The following QRICH2 variants were observed in gnomAD, a reference collection of about 807,000 sequenced individuals.
QRICH2 encodes the protein glutamine-rich protein 2.
In QRICH2, 119 loss-of-function variants were observed where a neutral mutation model predicts 168.3. The observed-to-expected ratio is 0.71, with a 90% CI of 0.61 to 0.82. The LOEUF is 0.82. Among genes scored for constraint, QRICH2 ranks in the 40% least tolerant of loss-of-function variants. The pLI, the probability that QRICH2 is intolerant of heterozygous loss-of-function variation, is 0.00. For missense variants in QRICH2, 2,241 were observed against 2,491.6 expected, an observed-to-expected ratio of 0.90 and a Z score of 2.14; for synonymous variants, 894 against 951.2, an observed-to-expected ratio of 0.94 and a Z score of 1.11.
chr17:76,276,170 C>T (rs73999019), intron 17 of QRICH2, among the ~76,000 whole-genome samples: 250 of 132,506 alleles, frequency 1.9e-3, no homozygotes, highest in African/African-American at 7.4e-3. Flanking sequence ...GACCTGCACA[C>T]GTCAGCCCTG....
chr17:76,281,816 G>C lies in QRICH2; in HGVS notation c.4263+48C>G. ...GTCTGCAGCAGGGTGGCCCTCCTCTGTGGGGCCATGTCCAGTTGCAGCAGG... is the reference window on the plus strand; with the variant it reads ...GTCTGCAGCAGGGTGGCCCTCCTCTCTGGGGCCATGTCCAGTTGCAGCAGG... On this transcript the variant is annotated intron_variant, in intron 8 of 18. Transcript: ENST00000680821. The surrounding 1 kb of genome is among the most constrained non-coding windows in gnomAD (Gnocchi z 4.4). The C allele has an allele frequency of 6.3e-7, 1 of 1,597,134 alleles. No individual in the cohort carries two copies. Among genetic ancestry groups the C allele is most frequent in the Non-Finnish European group, 8.6e-7 (1 of 1,168,252 alleles).
At chr17:76,277,747 CAT>C (rs1221756391) in intron 15 of QRICH2, among the ~76,000 whole-genome samples, 3 of 152,034 alleles carry the variant, frequency 2.0e-5, no homozygotes, top group Non-Finnish European at 4.4e-5. Context: ...CTCCCACACT[CAT>C]ACACACACGC....
In QRICH2 at chr17:76,283,342, C is replaced by T. The variant is rs538838300; in HGVS notation, c.4012-1227G>A. 2.0e-5 allele frequency among the ~76,000 whole-genome samples: 3 copies of T among 152,064 alleles called. No individual in the cohort carries two copies. In the East Asian group the frequency reaches 5.8e-4, roughly 29 times the overall value. ...AGAGAAAGGCAGGAGGCCAAGGTGG[C>T]TAAAGATGGGGCATGTGGAAGTGGG... On this transcript the variant is annotated intron_variant, in intron 7 of 18. Transcript: ENST00000680821.
intron 4 of QRICH2, among the ~76,000 whole-genome samples, chr17:76,290,752 C>A (rs2070971614): frequency 6.6e-6 from 1 of 152,098 alleles, no homozygotes; most frequent in Non-Finnish European, 1.5e-5. Context: ...TCTCTATAAC[C>A]AGACACTTTC....
At chr17:76,278,946 C>T (rs1293868356) in intron 14 of QRICH2, 95 bp downstream of exon 14, 18 of 1,006,790 alleles carry the variant, frequency 1.8e-5, no homozygotes, top group African/African-American at 1.4e-4. Flanking sequence ...TGTCACGTTC[C>T]GCTGGGCCCT....
chr17:76,280,122 C>G lies in QRICH2; in HGVS notation c.4659G>C (p.Gln1553His). The G allele has an allele frequency of 4.3e-6, 7 of 1,613,936 alleles. No individual in the cohort carries two copies. Among genetic ancestry groups the G allele is most frequent in the Non-Finnish European group, 5.9e-6 (7 of 1,180,006 alleles). ...GCGATTTCCACCGATCCTCCAGCAA[C>G]TGCTTCACTGGGTCCAGCTCCAGGC... is the stretch of plus-strand genomic sequence containing the variant. ...LDRLELDPVKQLLEDRWKSLR... is the reference protein window; with the variant it reads ...LDRLELDPVKHLLEDRWKSLR... Residue 1553 changes from glutamine (Q) to histidine (H), a missense_variant, in exon 12 of 19, where the codon CAG (glutamine) becomes CAC (histidine). Coordinates refer to ENST00000680821, the MANE Select transcript of QRICH2 (RefSeq NM_001388453.1). The surrounding 1 kb of genome is among the most constrained non-coding windows in gnomAD (Gnocchi z 7.4).
In QRICH2 at chr17:76,274,205, C is replaced by A. The variant is rs549937317; in HGVS notation, c.5538G>T (p.Pro1846=). The change falls in exon 19 of 19, where the codon CCG becomes CCT. Residue 1846 remains proline (P), a synonymous_variant. Transcript: ENST00000680821. ...CGGAGCTGGGCGGGTGGGCTGTGTTCGGCTGGGAGAGACGGCCCTCGGAGG... is the reference window on the plus strand; with the variant it reads ...CGGAGCTGGGCGGGTGGGCTGTGTTAGGCTGGGAGAGACGGCCCTCGGAGG... The part of the protein sequence containing the change: ...RPSSEGRLSQ[P]NTAHPPSSAA... 2.1e-5 allele frequency: 34 copies of A among 1,595,504 alleles called. No homozygotes were observed. In the East Asian group the frequency reaches 7.6e-4, roughly 36 times the overall value.
intron 16 of QRICH2, 71 bp from the exon 17 acceptor site, chr17:76,276,838 T>G (rs945154441): frequency 2.5e-6 from 3 of 1,216,384 alleles, no homozygotes; most frequent in Non-Finnish European, 2.4e-6. Flanking sequence ...CACACGGGAC[T>G]GAGGCACAGA....
At chr17:76,299,838 T>C (rs975311709) in intron 3 of QRICH2, among the ~76,000 whole-genome samples, 1 of 152,066 alleles carries the variant, frequency 6.6e-6, no homozygotes, top group Non-Finnish European at 1.5e-5. Context: ...AAACCTTTTT[T>C]TTTTTTGAGA....
chr17:76,306,171 AAAAAAAAAAAAAAAAAAAAAAACCC>A (rs1269439330), intron 1 of QRICH2, among the ~76,000 whole-genome samples: 2 of 119,364 alleles, frequency 1.7e-5, no homozygotes, highest in African/African-American at 1.1e-4. Context: ...TGTGTCTCAA[AAAAAAAAAAAAAAAAAAAAAAACCC>A]AAAAAAATTA....
Position 76,304,930 on chromosome 17 carries a change from C to T in QRICH2, c.546G>A (p.Gln182=). ...EELSFARVLL[Q]RVDELEKLFK... ...ATAGCTTCTCTAGTTCATCAACCCG[C>T]TGTAAAAGTACCTGGAAGAAGAGTT... The change falls in exon 2 of 19, where the codon CAG becomes CAA. Residue 182 remains glutamine (Q), a synonymous_variant. Coordinates refer to ENST00000680821, the MANE Select transcript of QRICH2 (RefSeq NM_001388453.1). 6.2e-7 allele frequency: 1 copy of T among 1,613,358 alleles called. No individual in the cohort carries two copies. Among genetic ancestry groups the T allele is most frequent in the Non-Finnish European group, 8.5e-7 (1 of 1,179,422 alleles).
chr17:76,289,420 C>A lies in QRICH2; in HGVS notation c.3798+572G>T, dbSNP rs187651236. ...CAGGCTGGTCTCGAGCTCCCGGGCT[C>A]AAGTGATCCTCCTGCCTTGGCCTCC... On this transcript the variant is annotated intron_variant, in intron 5 of 18. Transcript: ENST00000680821. Among the ~76,000 whole-genome samples, 10 of 152,114 alleles carry A rather than the reference C, an allele frequency of 6.6e-5. No homozygotes were observed. The East Asian group carries it at 2.0e-3, about 30-fold the overall frequency.
At position 76,288,383 on chromosome 17, in the gene QRICH2, TA is replaced by T. The variant is rs770162922; in HGVS notation, c.3799-487del. Among the ~76,000 whole-genome samples, 336 of 39,262 alleles carry T rather than the reference TA, an allele frequency of 8.6e-3. 1 individual carries two copies. The highest frequency in any genetic ancestry group is 0.02 in the African/African-American group (167 of 8,540). 25.8% of individuals were successfully genotyped at this position (39,262 alleles called of 152,430 possible). A position where few individuals can be genotyped will look rare whatever the true frequency, so the allele number is the denominator to read the frequency against. On this transcript the variant is annotated intron_variant, in intron 5 of 18. Transcript: ENST00000680821. Reference sequence around the variant, plus strand: ...TGGGCAACAGAGCAAGAATCAGTCTTAAAAAAAAAAAAAAAAAAAAAAAAAA... The same window carrying T: ...TGGGCAACAGAGCAAGAATCAGTCTTAAAAAAAAAAAAAAAAAAAAAAAAA...
intron 3 of QRICH2, among the ~76,000 whole-genome samples, chr17:76,303,276 C>T (rs1007359179): frequency 1.3e-5 from 2 of 152,008 alleles, no homozygotes; most frequent in Non-Finnish European, 2.9e-5. Flanking sequence ...TTTTTTGTAC[C>T]CAGATATTTG....
chr17:76,292,760 C>G lies in QRICH2; in HGVS notation c.1967G>C (p.Gly656Ala), dbSNP rs755664870. The G allele has an allele frequency of 6.2e-7, 1 of 1,612,034 alleles. No individual in the cohort carries two copies. Among genetic ancestry groups the G allele is most frequent in the Non-Finnish European group, 8.5e-7 (1 of 1,179,626 alleles). ...ACCAGGCTGTACCAAGACACCCTGA[C>G]CTGTGCCAGATTGGACCAAATCATG... ...GQHDLVQSGT[G>A]QGVLVQPGVD... The change falls in exon 4 of 19, where the codon GGT becomes GCT. Residue 656 changes from glycine (G) to alanine (A), a missense_variant. Transcript: ENST00000680821.
At chr17:76,301,432 G>A (rs775193350) in intron 3 of QRICH2, 5 of 249,734 alleles carry the variant, frequency 2.0e-5, no homozygotes, top group South Asian at 1.7e-4. Context: ...GCTAGGTATG[G>A]TGGTACGCAC....
Position 76,280,063 on chromosome 17 carries a change from T to C in QRICH2, c.4718A>G (p.Tyr1573Cys). The change falls in exon 12 of 19, where the codon TAC (tyrosine) becomes TGC (cysteine). Residue 1573 changes from tyrosine to cysteine, a missense_variant. Physicochemically the swap from Tyr to Cys is radical, Grantham distance 194. Coordinates refer to ENST00000680821, the MANE Select transcript of QRICH2 (RefSeq NM_001388453.1). This position sits in a 1 kb window ranked among gnomAD's most constrained non-coding sequence, Gnocchi z 7.4. ...CATGGCAGCCGCCTCGTCTGCCTGG[T>C]AGAGTGGGGGGCGCTCCCTGAGCTG... ...RQQLRERPPLYQADEAAAMRR... is the reference protein window; with the variant it reads ...RQQLRERPPLCQADEAAAMRR... 1 of 1,613,276 alleles carries C rather than the reference T, an allele frequency of 6.2e-7. No individual in the cohort carries two copies. The highest frequency in any genetic ancestry group is 8.5e-7 in the Non-Finnish European group (1 of 1,179,822).
chr17:76,304,781 C>T (rs1439327312), intron 2 of QRICH2, 101 bp downstream of exon 2: 12 of 901,436 alleles, frequency 1.3e-5, no homozygotes, highest in Non-Finnish European at 2.2e-5. Context: ...GCAGAGGGCA[C>T]ACACTGCCTG....
chr17:76,278,949 T>G (rs182972), intron 14 of QRICH2, 92 bp downstream of exon 14: 2 of 1,032,580 alleles, frequency 1.9e-6, no homozygotes. Flanking sequence ...CACGTTCCGC[T>G]GGGCCCTCCG....
Sources: allele counts gnomAD v4.1 joint callset (sites outside exome capture counted in the v4.1 genomes callset), GRCh38; gene constraint gnomAD v4.1.1; non-coding constraint Gnocchi (gnomAD v3.1); transcripts MANE v1.5; gene names NCBI Gene and HGNC (gene_info 2026-07-23, HGNC 2026-07-21).